MYO5C: variants seen among roughly 807,000 people sequenced by gnomAD.
The protein encoded by MYO5C is myosin VC, also known as unconventional myosin-Vc.
MYO5C carries 194 observed loss-of-function variants against 235.7 expected under a neutral mutation model. The observed-to-expected ratio is 0.82, with a 90% confidence interval of 0.73 to 0.93. The LOEUF (loss-of-function observed/expected upper bound fraction) is 0.93. Among genes scored for constraint, MYO5C ranks in the 40% least tolerant of loss-of-function variants. The pLI, the probability that MYO5C is intolerant of heterozygous loss-of-function variation, is 0.00. For synonymous variants in MYO5C, 707 were observed against 754.8 expected (o/e 0.94, Z 1.04); for missense variants, 2,038 against 2,127.2 (o/e 0.96, Z 0.82).
Position 52,269,878 on chromosome 15 carries a change from G to GA in MYO5C, c.833-19dup. The GA allele has an allele frequency of 4.5e-6, 7 of 1,538,564 alleles. No individual in the cohort carries two copies. The highest frequency in any genetic ancestry group is 6.3e-6 in the Non-Finnish European group (7 of 1,112,576). On this transcript the variant is annotated intron_variant, in intron 7 of 40. Coordinates refer to ENST00000261839, the MANE Select transcript of MYO5C (RefSeq NM_018728.4). The stretch of plus-strand genomic sequence containing the variant: ...GGCACTCCCTGAAATCAAAAAGTAA[G>GA]ATTTGTTATGTCTGTAACACAGAAA...
chr15:52,261,873 C>T (rs1304976279), intron 9 of MYO5C, among the ~76,000 whole-genome samples: 1 of 152,216 alleles, frequency 6.6e-6, no homozygotes, highest in Non-Finnish European at 1.5e-5. Flanking sequence ...GCAGGCTCCC[C>T]TGCCGGCACC....
chr15:52,295,462 G>C, intron 1 of MYO5C, 148 bp downstream of exon 1: 1 of 881,734 alleles, frequency 1.1e-6, no homozygotes. Flanking sequence ...CCCCTCCGCG[G>C]CGCCTCCGCG....
At chr15:52,213,799 G>C (rs1015771246) in intron 33 of MYO5C, among the ~76,000 whole-genome samples, 4 of 152,206 alleles carry the variant, frequency 2.6e-5, no homozygotes, top group Non-Finnish European at 4.4e-5. Context: ...GGTGGTGAAT[G>C]ATGGTTCATT....
chr15:52,279,470 C>T (rs1213849562), intron 3 of MYO5C, 39 bp downstream of exon 3: 4 of 1,588,804 alleles, frequency 2.5e-6, no homozygotes, highest in Non-Finnish European at 3.4e-6. Context: ...AGCTTACATT[C>T]CAGTGCCATT....
intron 36 of MYO5C, 51 bp downstream of exon 36, chr15:52,208,503 G>T: frequency 6.4e-7 from 1 of 1,551,292 alleles, no homozygotes; most frequent in Non-Finnish European, 8.9e-7. Flanking sequence ...TCAGGAGGAG[G>T]TTATAGACTG....
At chr15:52,242,294 T>C (rs1331855284) in intron 19 of MYO5C, 81 bp from the exon 20 acceptor site, 4 of 1,450,738 alleles carry the variant, frequency 2.8e-6, no homozygotes, top group South Asian at 2.6e-5. Context: ...TTGGCTAGCA[T>C]GTGTTTATAA....
At chr15:52,203,043 C>T (rs2141263686) in intron 38 of MYO5C, among the ~76,000 whole-genome samples, 1 of 151,912 alleles carries the variant, frequency 6.6e-6, no homozygotes, top group East Asian at 1.9e-4. Flanking sequence ...GTCTCAGCCT[C>T]ATGAGTAGCT....
intron 23 of MYO5C, among the ~76,000 whole-genome samples, chr15:52,233,667 A>G (rs1270768450): frequency 6.6e-6 from 1 of 152,276 alleles, no homozygotes; most frequent in Non-Finnish European, 1.5e-5. Flanking sequence ...ACACTGAAAT[A>G]CAAGAGTCGC....
At chr15:52,291,974 C>T (rs1051576786) in intron 1 of MYO5C, among the ~76,000 whole-genome samples, 1 of 151,948 alleles carries the variant, frequency 6.6e-6, no homozygotes, top group African/African-American at 2.4e-5. Context: ...CTCCTGACCT[C>T]GTGATCCGCC....
At position 52,194,070 on chromosome 15, in the gene MYO5C, G is replaced by T. The variant is rs371661273; in HGVS notation, c.5077-16C>A. On this transcript the variant is annotated splice_polypyrimidine_tract_variant and intron_variant, in intron 40 of 40. Transcript: ENST00000261839. ...TTAGGAGAGCCTGAAATTAGAATCA[G>T]AGGAAAAATGAGTAAGGAAACTAAC... 10 of 1,602,186 alleles carry T rather than the reference G, an allele frequency of 6.2e-6. No individual in the cohort carries two copies. The highest frequency in any genetic ancestry group is 8.5e-6 in the Non-Finnish European group (10 of 1,176,448).
intron 3 of MYO5C, 43 bp downstream of exon 3, chr15:52,279,466 C>T: frequency 1.3e-6 from 2 of 1,582,238 alleles, no homozygotes; most frequent in African/African-American, 1.3e-5. Context: ...AGCAAGCTTA[C>T]ATTCCAGTGC....
At chr15:52,194,754 T>C (rs2035009407) in intron 40 of MYO5C, among the ~76,000 whole-genome samples, 1 of 151,304 alleles carries the variant, frequency 6.6e-6, no homozygotes, top group African/African-American at 2.4e-5. Context: ...ATATATGCTA[T>C]ATTATCATAT....
intron 19 of MYO5C, 117 bp downstream of exon 19, chr15:52,244,239 C>T (rs555121516): frequency 1.1e-5 from 11 of 967,554 alleles, no homozygotes; most frequent in East Asian, 4.9e-5. Flanking sequence ...GACCCATGCA[C>T]GTCTGCACCC....
chr15:52,205,450 A>G (rs2035289903), intron 37 of MYO5C: 3 of 375,746 alleles, frequency 8.0e-6, no homozygotes, highest in Non-Finnish European at 1.4e-5. Context: ...ATTAAAGCCT[A>G]AAGTATTTAA....
intron 24 of MYO5C, among the ~76,000 whole-genome samples, chr15:52,232,120 AAG>A (rs1435451126): frequency 6.8e-6 from 1 of 147,336 alleles, no homozygotes; most frequent in African/African-American, 2.5e-5. Flanking sequence ...AAAAGAAAGA[AAG>A]AGAAAAGAAA....
intron 38 of MYO5C, among the ~76,000 whole-genome samples, chr15:52,197,016 G>T (rs985172908): frequency 6.6e-6 from 1 of 152,180 alleles, no homozygotes; most frequent in African/African-American, 2.4e-5. Flanking sequence ...TGAGAGTGTT[G>T]AGAACCCTCA....
chr15:52,272,303 G>A (rs2036941484), intron 6 of MYO5C, among the ~76,000 whole-genome samples: 1 of 152,178 alleles, frequency 6.6e-6, no homozygotes, highest in Non-Finnish European at 1.5e-5. Flanking sequence ...TCGTACTCTA[G>A]AAAGAGATAC....
rs2034986708 is a variant in MYO5C, at chr15:52,193,781, GAA to G, written c.*119_*120del. On this transcript the variant is annotated 3_prime_UTR_variant, in exon 41 of 41. Coordinates refer to ENST00000261839, the MANE Select transcript of MYO5C (RefSeq NM_018728.4). ...GTGAGAGATGATGTGGTCCATTTGA[GAA>G]AAGTCTGTTTTCTTCCTTAAATCAC... 1 of 1,083,710 alleles carries G rather than the reference GAA, an allele frequency of 9.2e-7. No individual in the cohort carries two copies. Among genetic ancestry groups the G allele is most frequent in the African/African-American group, 1.6e-5 (1 of 62,100 alleles). 67.1% of individuals were successfully genotyped at this position (1,083,710 alleles called of 1,614,324 possible).
chr15:52,233,266 G>A (rs1400541618), intron 23 of MYO5C, among the ~76,000 whole-genome samples: 1 of 10,328 alleles, frequency 9.7e-5, no homozygotes, highest in African/African-American at 1.4e-4. Context: ...GCGACAGAGC[G>A]AGACTCCGTC....
Sources: gnomAD v4.1 joint callset for allele counts (sites outside exome capture counted in the v4.1 genomes callset) on GRCh38, gnomAD v4.1.1 for gene constraint, MANE v1.5 for transcripts, NCBI Gene and HGNC (gene_info 2026-07-23, HGNC 2026-07-21) for gene names.